The following SHPRH variants were observed in gnomAD, a reference collection of about 807,000 sequenced individuals.
SHPRH encodes the protein E3 ubiquitin-protein ligase SHPRH.
SHPRH carries 106 observed loss-of-function variants against 202.5 expected under a neutral mutation model. The observed-to-expected ratio is 0.52, with a 90% CI of 0.45 to 0.62. The LOEUF is 0.62. Among genes scored for constraint, SHPRH ranks in the 20% least tolerant of loss-of-function variants. The pLI is 0.00. For synonymous variants in SHPRH, 729 were observed against 686.0 expected, an observed-to-expected ratio of 1.06 and a Z score of -0.98; for missense variants, 1,710 against 2,020.0, an observed-to-expected ratio of 0.85 and a Z score of 2.94.
At chr6:145,922,261 G>C in intron 20 of SHPRH, 25 bp downstream of exon 20, 1 of 1,571,288 alleles carries the variant, frequency 6.4e-7, no homozygotes, top group Non-Finnish European at 8.6e-7. Flanking sequence ...TTTCTTGATG[G>C]GTAATAATCA....
chr6:145,960,404 T>C (rs984886107), intron 1 of SHPRH, among the ~76,000 whole-genome samples: 1 of 151,726 alleles, frequency 6.6e-6, no homozygotes, highest in African/African-American at 2.4e-5. Flanking sequence ...GGTGGAAGGG[T>C]AGAGGGAGTG....
Position 145,922,720 on chromosome 6 carries a change from T to C in SHPRH, c.3662A>G (p.Asn1221Ser). The C allele has an allele frequency of 6.2e-7, 1 of 1,612,170 alleles. No homozygotes were observed. The highest frequency in any genetic ancestry group is 8.5e-7 in the Non-Finnish European group (1 of 1,178,822). The change falls in exon 19 of 30, where the codon AAT becomes AGT. Residue 1221 changes from asparagine to serine, a missense_variant. By Grantham distance (46) the Asn-to-Ser change is conservative. This residue lies in a region of SHPRH where 288 missense variants were observed against 317.8 expected (regional missense o/e 0.91). Coordinates refer to ENST00000275233, the MANE Select transcript of SHPRH (RefSeq NM_001042683.3). ...VKNLEGPPSR[N>S]VIESATVCHL... ...ACAGACTGTTGCAGACTCAATAACATTACGAGATGGAGGTCCCTCCAGGTT... is the reference window on the plus strand; with the variant it reads ...ACAGACTGTTGCAGACTCAATAACACTACGAGATGGAGGTCCCTCCAGGTT...
chr6:145,941,753 C>A lies in SHPRH; in HGVS notation c.2360G>T (p.Ser787Ile). 6.2e-7 allele frequency: 1 copy of A among 1,614,016 alleles called. No individual in the cohort carries two copies. Among genetic ancestry groups the A allele is most frequent in the Non-Finnish European group, 8.5e-7 (1 of 1,179,972 alleles). Residue 787 changes from serine to isoleucine, a missense_variant, in exon 10 of 30, where the codon AGC (serine) becomes ATC (isoleucine). By Grantham distance (142) the Ser-to-Ile change is moderately radical. This residue lies in a region of SHPRH where 277 missense variants were observed against 363.0 expected (regional missense o/e 0.76). Transcript: ENST00000275233. Reference protein sequence around the residue: ...SELNYVDIPHSNSEDGRRLRN... With the variant: ...SELNYVDIPHINSEDGRRLRN... ...TAGGCGACGCCCATCCTCACTATTGCTATGTGGGATATCGACATAATTTAA... is the reference window on the plus strand; with the variant it reads ...TAGGCGACGCCCATCCTCACTATTGATATGTGGGATATCGACATAATTTAA...
intron 2 of SHPRH, among the ~76,000 whole-genome samples, chr6:145,873,605 A>G (rs927565916): frequency 6.6e-6 from 1 of 151,850 alleles, no homozygotes; most frequent in Non-Finnish European, 1.5e-5. Context: ...ATGAGAAGAA[A>G]CCAGCATGCC....
chr6:145,868,446 G>C (rs1779902169), intron 2 of SHPRH, among the ~76,000 whole-genome samples: 1 of 152,090 alleles, frequency 6.6e-6, no homozygotes, highest in Non-Finnish European at 1.5e-5. Context: ...TGTGAAGCTT[G>C]GATTTAAACC....
rs1402759791 is a variant in SHPRH at position 145,955,331 on chromosome 6, T to C, written c.-9A>G. The stretch of plus-strand genomic sequence containing the variant: ...TTCCGTCGGCTGCTCATTTTCAAGT[T>C]TTCTTGGCTGGTAACTGTGAACTCT... On this transcript the variant is annotated 5_prime_UTR_variant, in exon 2 of 30. Coordinates refer to ENST00000275233, the MANE Select transcript of SHPRH (RefSeq NM_001042683.3). The C allele has an allele frequency of 6.3e-7, 1 of 1,587,262 alleles. No individual in the cohort carries two copies. The highest frequency in any genetic ancestry group is 2.2e-5 in the East Asian group (1 of 44,596).
intron 25 of SHPRH, 120 bp downstream of exon 25, chr6:145,910,328 C>T: frequency 1.8e-6 from 2 of 1,113,276 alleles, no homozygotes; most frequent in Non-Finnish European, 2.6e-6. Context: ...CTACAGACAA[C>T]AGTGGCGTCT....
intron 4 of SHPRH, among the ~76,000 whole-genome samples, chr6:145,949,775 A>G (rs1468794616): frequency 1.3e-5 from 2 of 152,082 alleles, no homozygotes. Context: ...TAAAACTACT[A>G]CTTTCATAAA....
At chr6:145,912,535 C>T (rs1783588230) in intron 24 of SHPRH, among the ~76,000 whole-genome samples, 1 of 152,078 alleles carries the variant, frequency 6.6e-6, no homozygotes, top group African/African-American at 2.4e-5. Context: ...ATTTTTATCA[C>T]AACTTTTATC....
chr6:145,947,530 C>T lies in SHPRH; in HGVS notation c.1175G>A (p.Arg392Gln), dbSNP rs1477467691. The change falls in exon 6 of 30, where the codon CGA (arginine) becomes CAA (glutamine). Residue 392 changes from arginine to glutamine, a missense_variant. Transcript: ENST00000275233. ...GAGAGCATCTTGCTTGACATCTTGT[C>T]GAGTATGTGTCAGAATCAGAGCCAA... Reference protein sequence around the residue: ...EVLALILTHTRQDVKQDALTL... With the variant: ...EVLALILTHTQQDVKQDALTL... 6.2e-6 allele frequency: 10 copies of T among 1,612,682 alleles called. No homozygotes were observed. The highest frequency in any genetic ancestry group is 4.0e-5 in the African/African-American group (3 of 74,760).
chr6:145,913,605 A>C, intron 23 of SHPRH, 56 bp from the exon 24 acceptor site: 1 of 1,449,696 alleles, frequency 6.9e-7, no homozygotes, highest in Admixed American at 2.0e-5. Flanking sequence ...ATAAAACCTG[A>C]TATATGTTTT....
intron 19 of SHPRH, 144 bp from the exon 20 acceptor site, chr6:145,922,492 C>A: frequency 1.6e-6 from 2 of 1,235,764 alleles, no homozygotes; most frequent in African/African-American, 1.6e-5. Flanking sequence ...GTTTTTCATA[C>A]CTTGTCCTTG....
rs569833899 is a variant in SHPRH, at chr6:145,939,536, T to A, written c.2569+1187A>T. Among the ~76,000 whole-genome samples the A allele has an allele frequency of 2.6e-4, 39 of 152,198 alleles. No homozygotes were observed. The South Asian group carries it at 6.6e-3, about 26-fold the overall frequency. On this transcript the variant is annotated intron_variant, in intron 11 of 29. Transcript: ENST00000275233. ...AATTATTGCTCATACTCTCTCAACA[T>A]TAAAATGAGAAAAAGTAACTCTGAT...
intron 9 of SHPRH, 103 bp from the exon 10 acceptor site, chr6:145,941,977 G>T: frequency 7.3e-7 from 1 of 1,373,528 alleles, no homozygotes; most frequent in Non-Finnish European, 9.9e-7. Context: ...ATTTTCTTAG[G>T]AGCATTCATG....
chr6:145,961,882 C>A (rs1388037032), intron 1 of SHPRH, among the ~76,000 whole-genome samples: 1 of 152,174 alleles, frequency 6.6e-6, no homozygotes, highest in Non-Finnish European at 1.5e-5. Flanking sequence ...ACTTCTTGAA[C>A]CAAAGAAAAT....
intron 20 of SHPRH, among the ~76,000 whole-genome samples, 172 bp downstream of exon 20, chr6:145,922,114 G>A (rs944343096): frequency 2.6e-5 from 4 of 151,844 alleles, no homozygotes; most frequent in African/African-American, 9.7e-5. Context: ...CTTCTGGATA[G>A]GTAAAACTGG....
In SHPRH at chr6:145,922,780, T is replaced by C. The variant is rs118070529; in HGVS notation, c.3602A>G (p.Asn1201Ser). 3.6e-3 allele frequency: 5,724 copies of C among 1,612,092 alleles called. 225 individuals carry two copies. The East Asian group carries it at 0.1, about 28-fold the overall frequency. The change falls in exon 19 of 30, where the codon AAT becomes AGT. Residue 1201 changes from asparagine to serine, a missense_variant. Coordinates refer to ENST00000275233, the MANE Select transcript of SHPRH (RefSeq NM_001042683.3). ...CTCTCTTACTAGCTTCTGGCATTTATTTAGCTCTTCCATTTGTGTTGTAAG... is the reference window on the plus strand; with the variant it reads ...CTCTCTTACTAGCTTCTGGCATTTACTTAGCTCTTCCATTTGTGTTGTAAG... ...FLLTTQMEELNKCQKLVREAV... is the reference protein window; with the variant it reads ...FLLTTQMEELSKCQKLVREAV...
chr6:145,916,228 T>C (rs889346144), intron 23 of SHPRH, among the ~76,000 whole-genome samples: 29 of 152,202 alleles, frequency 1.9e-4, no homozygotes, highest in African/African-American at 6.3e-4. Context: ...CAGTTTTCCT[T>C]TTCCTTTCTT....
At chr6:145,925,438 C>T (rs1265546491) in intron 16 of SHPRH, among the ~76,000 whole-genome samples, 1 of 151,344 alleles carries the variant, frequency 6.6e-6, no homozygotes, top group Non-Finnish European at 1.5e-5. Flanking sequence ...CTACATACAT[C>T]AAAACATCAG....
Sources: gnomAD v4.1 joint callset for allele counts (sites outside exome capture counted in the v4.1 genomes callset) on GRCh38, gnomAD v4.1.1 for gene constraint, gnomAD v4.1.1 regional missense constraint, MANE v1.5 for transcripts, NCBI Gene and HGNC (gene_info 2026-07-23, HGNC 2026-07-21) for gene names.